Variants in C2orf76 observed in about 807,000 individuals in gnomAD.
The protein encoded by C2orf76 is UPF0538 protein C2orf76.
C2orf76 carries 23 observed loss-of-function variants against 16.9 expected under a neutral mutation model. That is an observed-to-expected ratio of 1.36 (90% confidence interval 0.98 to 1.93). The LOEUF is 1.93. Ranked by LOEUF, C2orf76 falls within the 30% of genes most tolerant of loss-of-function variation. C2orf76 has a pLI of 0.00. For synonymous variants in C2orf76, 48 were observed against 52.3 expected (o/e 0.92, Z 0.35); for missense variants, 152 against 152.6 (o/e 1.00, Z 0.02).
At chr2:119,328,492 T>C (rs964187441) in intron 2 of C2orf76, among the ~76,000 whole-genome samples, 2 of 152,218 alleles carry the variant, frequency 1.3e-5, no homozygotes, top group African/African-American at 2.4e-5. Context: ...TGGTAACTTG[T>C]ATCTTCTCTA....
chr2:119,341,098 C>G (rs893733203), intron 1 of C2orf76, among the ~76,000 whole-genome samples: 4 of 152,122 alleles, frequency 2.6e-5, no homozygotes, highest in Admixed American at 6.5e-5. Context: ...ATTTTACACT[C>G]TAATTCATAT....
At chr2:119,299,348 T>A (rs567112542), downstream of C2orf76, among the ~76,000 whole-genome samples, 18 of 152,286 alleles carry the variant, frequency 1.2e-4, no homozygotes, top group Non-Finnish European at 1.0e-4. Flanking sequence ...TGAGCAAGAA[T>A]ATCATCAAAT....
intron 1 of C2orf76, among the ~76,000 whole-genome samples, chr2:119,351,488 C>T (rs1028718114): frequency 2.1e-4 from 32 of 152,166 alleles, no homozygotes; most frequent in African/African-American, 7.7e-4. Flanking sequence ...CGGTGGCTCA[C>T]ACCTGTAATA....
chr2:119,365,668 C>T (rs1295283700), intron 1 of C2orf76, among the ~76,000 whole-genome samples: 1 of 152,082 alleles, frequency 6.6e-6, no homozygotes, highest in Non-Finnish European at 1.5e-5. Context: ...AGAGAATTTT[C>T]CATCATTTCC....
intron 5 of C2orf76, among the ~76,000 whole-genome samples, chr2:119,309,570 C>A (rs1469236651): frequency 1.3e-5 from 2 of 151,836 alleles, no homozygotes. Context: ...CAGGCGTGTG[C>A]CACCACACCT....
At chr2:119,284,296 C>A in the C2orf76 span, among the ~76,000 whole-genome samples, 1 of 152,120 alleles carries the variant, frequency 6.6e-6, no homozygotes, top group Non-Finnish European at 1.5e-5. Context: ...AGCACTTGGC[C>A]GACACCCCAA....
At chr2:119,361,191 T>C (rs1046650549) in intron 1 of C2orf76, among the ~76,000 whole-genome samples, 2 of 152,248 alleles carry the variant, frequency 1.3e-5, no homozygotes, top group Non-Finnish European at 2.9e-5. Flanking sequence ...CCACTTTTGA[T>C]GGTTTGAACC....
chr2:119,320,636 C>T (rs1679313955), intron 3 of C2orf76, among the ~76,000 whole-genome samples: 1 of 152,096 alleles, frequency 6.6e-6, no homozygotes, highest in South Asian at 2.1e-4. Flanking sequence ...AATGTCTGCA[C>T]CAATTAAGAG....
At chr2:119,293,062 C>T in the C2orf76 span, among the ~76,000 whole-genome samples, 5,954 of 152,130 alleles carry the variant, frequency 0.039, 376 homozygotes, top group African/African-American at 0.14. Context: ...AACAAACAAA[C>T]GAACAAAAAA....
intron 1 of C2orf76, among the ~76,000 whole-genome samples, chr2:119,353,454 TTGGA>T (rs1488847662): frequency 1.3e-5 from 2 of 152,182 alleles, no homozygotes; most frequent in East Asian, 3.8e-4. Context: ...ATTTTAACTC[TTGGA>T]TGGAGAACGA....
intron 1 of C2orf76, among the ~76,000 whole-genome samples, chr2:119,345,068 A>T (rs1295395169): frequency 1.3e-5 from 2 of 152,172 alleles, no homozygotes; most frequent in Non-Finnish European, 2.9e-5. Flanking sequence ...ACCAGAAGAA[A>T]ATAGGTACAT....
At chr2:119,339,287 G>A (rs1346216616) in intron 2 of C2orf76, among the ~76,000 whole-genome samples, 1 of 152,162 alleles carries the variant, frequency 6.6e-6, no homozygotes, top group African/African-American at 2.4e-5. Context: ...AAATGGAGAA[G>A]AGAAACCCAT....
At chr2:119,350,776 A>C (rs1489174652) in intron 1 of C2orf76, among the ~76,000 whole-genome samples, 1 of 152,186 alleles carries the variant, frequency 6.6e-6, no homozygotes, top group Non-Finnish European at 1.5e-5. Flanking sequence ...AACGCTCCTT[A>C]ACTTGCCCAG....
At chr2:119,338,487 A>G (rs1274107058) in intron 2 of C2orf76, among the ~76,000 whole-genome samples, 2 of 152,128 alleles carry the variant, frequency 1.3e-5, no homozygotes, top group African/African-American at 4.8e-5. Context: ...CTAAAATTTT[A>G]CTGTTCTTTG....
chr2:119,291,211 C>T, the C2orf76 span, among the ~76,000 whole-genome samples: 5 of 151,886 alleles, frequency 3.3e-5, no homozygotes, highest in African/African-American at 9.7e-5. Flanking sequence ...TAAAGATGAA[C>T]GGCTGGGCAT....
chr2:119,340,813 C>A (rs1255940568), intron 1 of C2orf76, among the ~76,000 whole-genome samples: 3 of 148,008 alleles, frequency 2.0e-5, no homozygotes. Context: ...AATTGGAAAA[C>A]CACCCCAAAT....
intron 2 of C2orf76, among the ~76,000 whole-genome samples, chr2:119,331,340 T>C (rs1287417001): frequency 6.6e-6 from 1 of 152,184 alleles, no homozygotes; most frequent in Non-Finnish European, 1.5e-5. Flanking sequence ...TAACAAGGTT[T>C]CCACTCCAAC....
At chr2:119,363,207 G>A (rs1249614609) in intron 1 of C2orf76, among the ~76,000 whole-genome samples, 5 of 151,986 alleles carry the variant, frequency 3.3e-5, no homozygotes, top group Non-Finnish European at 7.4e-5. Context: ...GGCGGATCAC[G>A]AGGTCAGGAG....
At chr2:119,327,336 A>ATTTTTTT (rs34185420) in intron 2 of C2orf76, among the ~76,000 whole-genome samples, 3 of 68,674 alleles carry the variant, frequency 4.4e-5, no homozygotes, top group Non-Finnish European at 7.6e-5. Context: ...AATTACATGG[A>ATTTTTTT]TTTTTTTTTT....
Sources: gnomAD v4.1 joint callset for allele counts (sites outside exome capture counted in the v4.1 genomes callset) on GRCh38, gnomAD v4.1.1 for gene constraint, MANE v1.5 for transcripts, NCBI Gene and HGNC (gene_info 2026-07-23, HGNC 2026-07-21) for gene names.